The following FBXO28 variants were observed in gnomAD, a reference collection of about 807,000 sequenced individuals.
FBXO28 encodes F-box protein 28.
A neutral mutation model predicts 38.1 loss-of-function variants in FBXO28; 8 were observed. That is an observed-to-expected ratio of 0.21 (90% CI 0.12 to 0.38). The LOEUF (loss-of-function observed/expected upper bound fraction) is 0.38. Ranked by LOEUF, FBXO28 falls within the 10% of genes least tolerant of loss-of-function variation. The pLI is 1.00. For missense variants in FBXO28, 345 were observed against 460.6 expected (o/e 0.75, Z 2.30); for synonymous variants, 168 against 173.8 (o/e 0.97, Z 0.26).
rs1199237530 is a variant in FBXO28, at chr1:224,137,524, C to CA, written c.516+3321dup. ...GCAACAGAGCGAGACTCTGTCTCAG[C>CA]AAAAAAAAAGAAAAAAGAAAAAGGA... On this transcript the variant is annotated intron_variant, in intron 3 of 4. Transcript: ENST00000366862. 1.4e-4 allele frequency among the ~76,000 whole-genome samples: 20 copies of CA among 145,264 alleles called. 1 individual carries two copies. Among genetic ancestry groups the CA allele is most frequent in the South Asian group, 1.3e-3 (6 of 4,576 alleles).
chr1:224,144,687 G>T (rs1264394606), intron 3 of FBXO28, among the ~76,000 whole-genome samples: 1 of 151,902 alleles, frequency 6.6e-6, no homozygotes, highest in Non-Finnish European at 1.5e-5. Context: ...GATCTGGGAG[G>T]TGGGGGTTGC....
intron 3 of FBXO28, among the ~76,000 whole-genome samples, chr1:224,136,168 A>T (rs1287218772): frequency 8.6e-6 from 1 of 116,108 alleles, no homozygotes; most frequent in Non-Finnish European, 1.6e-5. Context: ...CAGTGGGGCA[A>T]TCTCAGCTAA....
intron 3 of FBXO28, among the ~76,000 whole-genome samples, chr1:224,134,523 C>T (rs757165967): frequency 4.6e-5 from 7 of 152,122 alleles, no homozygotes; most frequent in South Asian, 2.1e-4. Context: ...GAACAACATA[C>T]ATATTGTCCC....
At chr1:224,135,839 A>G (rs1657169866) in intron 3 of FBXO28, among the ~76,000 whole-genome samples, 1 of 152,016 alleles carries the variant, frequency 6.6e-6, no homozygotes, top group African/African-American at 2.4e-5. Context: ...GATCAAGACC[A>G]GCCTGGCGAA....
intron 1 of FBXO28, among the ~76,000 whole-genome samples, chr1:224,119,654 G>C (rs1436771878): frequency 6.6e-6 from 1 of 152,078 alleles, no homozygotes; most frequent in Non-Finnish European, 1.5e-5. Context: ...ACAGCATCAG[G>C]ATAACAAATG....
At chr1:224,134,242 T>C (rs753320657) in intron 3 of FBXO28, 30 bp downstream of exon 3, 5 of 1,606,742 alleles carry the variant, frequency 3.1e-6, no homozygotes, top group African/African-American at 1.3e-5. Flanking sequence ...CTAGAACAGC[T>C]GGACTGCCCT....
chr1:224,153,535 G>T lies in FBXO28; in HGVS notation c.712+198G>T, dbSNP rs143742460. Among the ~76,000 whole-genome samples, 170 of 152,234 alleles carry T rather than the reference G, an allele frequency of 1.1e-3. 1 individual carries two copies. Among genetic ancestry groups the T allele is most frequent in the Admixed American group, 7.7e-3 (117 of 15,286 alleles). ...CTCATTTCTTGTTTCTAGCTTTTCA[G>T]TACTTATACTCTGAAGAACAATCTG... is the stretch of plus-strand genomic sequence containing the variant. On this transcript the variant is annotated intron_variant, in intron 4 of 4. Transcript: ENST00000366862.
In FBXO28 at chr1:224,130,519, A is replaced by G; in HGVS notation, c.315A>G (p.Gly105=). ...TCTGCCAGAGAATGTTGAATCAGGG[A>G]TTTCTGAAAGTGGAGAGGTACCATA... is the stretch of plus-strand genomic sequence containing the variant. The part of the protein sequence containing the change: ...DLVCQRMLNQ[G]FLKVERYHNL... Residue 105 remains glycine, a synonymous_variant, in exon 2 of 5, where the codon GGA becomes GGG. Coordinates refer to ENST00000366862, the MANE Select transcript of FBXO28 (RefSeq NM_015176.4). 6.2e-7 allele frequency: 1 copy of G among 1,614,034 alleles called. No homozygotes were observed. The highest frequency in any genetic ancestry group is 8.5e-7 in the Non-Finnish European group (1 of 1,179,956).
chr1:224,122,634 C>G (rs1268464990), intron 1 of FBXO28, among the ~76,000 whole-genome samples: 1 of 151,848 alleles, frequency 6.6e-6, no homozygotes, highest in Non-Finnish European at 1.5e-5. Context: ...CCAACACACA[C>G]AATGAATGCC....
chr1:224,120,076 G>A (rs1453990339), intron 1 of FBXO28, among the ~76,000 whole-genome samples: 1 of 152,194 alleles, frequency 6.6e-6, no homozygotes, highest in East Asian at 1.9e-4. Context: ...TGCATACCTT[G>A]ATAAACTGAG....
At chr1:224,154,576 A>G (rs1572027436) in intron 4 of FBXO28, among the ~76,000 whole-genome samples, 2 of 152,238 alleles carry the variant, frequency 1.3e-5, no homozygotes, top group African/African-American at 2.4e-5. Context: ...TGGGAGGCCA[A>G]GGCGGGCGGA....
At chr1:224,117,192 A>G (rs1163566670) in intron 1 of FBXO28, among the ~76,000 whole-genome samples, 1 of 111,564 alleles carries the variant, frequency 9.0e-6, no homozygotes, top group Admixed American at 1.2e-4. Context: ...TTTGAGACGG[A>G]GTCTCGCTCT....
chr1:224,154,160 T>C (rs1036328927), intron 4 of FBXO28, among the ~76,000 whole-genome samples: 1 of 152,214 alleles, frequency 6.6e-6, no homozygotes, highest in Non-Finnish European at 1.5e-5. Flanking sequence ...ACATCATAGC[T>C]TAGCCTAACC....
intron 3 of FBXO28, among the ~76,000 whole-genome samples, chr1:224,135,574 T>G (rs1268617377): frequency 7.8e-6 from 1 of 128,694 alleles, no homozygotes; most frequent in East Asian, 2.3e-4. Flanking sequence ...ATCACACCAC[T>G]GCACTCCAGC....
intron 2 of FBXO28, among the ~76,000 whole-genome samples, chr1:224,132,078 C>G (rs1353331945): frequency 6.6e-6 from 1 of 152,076 alleles, no homozygotes; most frequent in Non-Finnish European, 1.5e-5. Context: ...CATAGTAAAA[C>G]CCTGTCTCTA....
intron 3 of FBXO28, among the ~76,000 whole-genome samples, chr1:224,145,119 T>TA (rs1223241111): frequency 1.3e-5 from 2 of 151,292 alleles, no homozygotes; most frequent in East Asian, 3.9e-4. Flanking sequence ...CCATCTCTAC[T>TA]AAAAAATAGA....
Position 224,157,773 on chromosome 1 carries a change from G to T in FBXO28, c.*27G>T. The T allele has an allele frequency of 6.4e-7, 1 of 1,571,682 alleles. No individual in the cohort carries two copies. Among genetic ancestry groups the T allele is most frequent in the Non-Finnish European group, 8.6e-7 (1 of 1,161,998 alleles). On this transcript the variant is annotated 3_prime_UTR_variant, in exon 5 of 5. Transcript: ENST00000366862. Reference sequence around the variant, plus strand: ...TTGGAATGTGGTTCTAGTTCCAGAGGAAGACACAGCTTAGTAGCTTAAGCA... The same window carrying T: ...TTGGAATGTGGTTCTAGTTCCAGAGTAAGACACAGCTTAGTAGCTTAAGCA...
chr1:224,148,437 T>G (rs1319946961), intron 3 of FBXO28, among the ~76,000 whole-genome samples: 1 of 151,924 alleles, frequency 6.6e-6, no homozygotes, highest in African/African-American at 2.4e-5. Context: ...GATCATGAGG[T>G]CAGGAGATCA....
intron 1 of FBXO28, among the ~76,000 whole-genome samples, chr1:224,127,180 G>GTA (rs1656924969): frequency 1.6e-5 from 1 of 64,432 alleles, no homozygotes; most frequent in Admixed American, 1.5e-4. Flanking sequence ...GTGTGTGTGT[G>GTA]TGTATGTGTG....
Sources: gnomAD v4.1 joint callset for allele counts (sites outside exome capture counted in the v4.1 genomes callset) on GRCh38, gnomAD v4.1.1 for gene constraint, MANE v1.5 for transcripts, NCBI Gene and HGNC (gene_info 2026-07-23, HGNC 2026-07-21) for gene names.